WASL: variants seen among roughly 807,000 people sequenced by gnomAD.
WASL encodes WASP like actin nucleation promoting factor.
A neutral mutation model predicts 55.5 loss-of-function variants in WASL; 20 were observed. The observed-to-expected ratio is 0.36, with a 90% CI of 0.25 to 0.52. The LOEUF is 0.52. WASL is among the 20% of genes least tolerant of loss of function. The pLI, the probability that WASL is intolerant of heterozygous loss-of-function variation, is 0.92. For synonymous variants in WASL, 249 were observed against 217.6 expected (o/e 1.14, Z -1.27); for missense variants, 504 against 622.5 (o/e 0.81, Z 2.03).
intron 1 of WASL, among the ~76,000 whole-genome samples, chr7:123,744,113 A>G (rs778762369): frequency 6.6e-6 from 1 of 152,206 alleles, no homozygotes; most frequent in African/African-American, 2.4e-5. Context: ...GATCCCTCTA[A>G]GCATATCCTT....
chr7:123,724,909 A>G (rs1216889001), intron 1 of WASL, among the ~76,000 whole-genome samples: 1 of 152,178 alleles, frequency 6.6e-6, no homozygotes, highest in Non-Finnish European at 1.5e-5. Context: ...CAGCTTCCCC[A>G]ATAGAAGGAA....
intron 1 of WASL, among the ~76,000 whole-genome samples, chr7:123,720,700 G>C (rs1166502434): frequency 6.7e-6 from 1 of 149,822 alleles, no homozygotes; most frequent in Non-Finnish European, 1.5e-5. Flanking sequence ...GCCCAGGCTG[G>C]AGTACAGTGG....
intron 9 of WASL, among the ~76,000 whole-genome samples, chr7:123,690,869 A>G (rs1329048996): frequency 6.6e-6 from 1 of 152,186 alleles, no homozygotes; most frequent in Non-Finnish European, 1.5e-5. Context: ...GAACTAGCAG[A>G]GATTCCAAGG....
chr7:123,701,960 C>T (rs1242236081), intron 5 of WASL, among the ~76,000 whole-genome samples: 4 of 150,174 alleles, frequency 2.7e-5, no homozygotes, highest in Non-Finnish European at 5.9e-5. Flanking sequence ...AAAAAACCCT[C>T]CATTTATTTA....
At chr7:123,728,271 T>C (rs1365910280) in intron 1 of WASL, among the ~76,000 whole-genome samples, 2 of 152,208 alleles carry the variant, frequency 1.3e-5, no homozygotes, top group Admixed American at 6.5e-5. Flanking sequence ...ACTGTCATTA[T>C]AAAAGGTACA....
chr7:123,736,155 C>A (rs889635863), intron 1 of WASL, among the ~76,000 whole-genome samples: 1 of 152,068 alleles, frequency 6.6e-6, no homozygotes, highest in Non-Finnish European at 1.5e-5. Context: ...AACCTATCAA[C>A]TTATAATTTT....
chr7:123,697,055 A>T (rs551077392), intron 5 of WASL, among the ~76,000 whole-genome samples: 1 of 152,252 alleles, frequency 6.6e-6, no homozygotes, highest in South Asian at 2.1e-4. Context: ...TTTTGATTAT[A>T]ATAGCCTCAT....
At chr7:123,705,063 T>A (rs1382661700) in intron 4 of WASL, among the ~76,000 whole-genome samples, 1 of 152,192 alleles carries the variant, frequency 6.6e-6, no homozygotes, top group Non-Finnish European at 1.5e-5. Context: ...TTCTAAAAGT[T>A]TACTCTGGCT....
rs967395387 is a variant in WASL at position 123,713,180 on chromosome 7, C to T, written c.118-3957G>A. 3.3e-5 allele frequency among the ~76,000 whole-genome samples: 5 copies of T among 152,108 alleles called. No homozygotes were observed. The East Asian group carries it at 9.6e-4, about 29-fold the overall frequency. On this transcript the variant is annotated intron_variant, in intron 1 of 10. Coordinates refer to ENST00000223023, the MANE Select transcript of WASL (RefSeq NM_003941.4). ...TTTTTATTTTTGAGACAAGGTCTTG[C>T]TCTGTCACCCAGGCAGGAGTGCAAT...
intron 1 of WASL, among the ~76,000 whole-genome samples, chr7:123,711,635 T>G (rs1803759846): frequency 6.6e-6 from 1 of 152,208 alleles, no homozygotes; most frequent in Non-Finnish European, 1.5e-5. Flanking sequence ...AGTATATTAA[T>G]GCTAGACAAT....
At chr7:123,703,214 C>T (rs1202304266) in intron 5 of WASL, among the ~76,000 whole-genome samples, 1 of 152,134 alleles carries the variant, frequency 6.6e-6, no homozygotes, top group Non-Finnish European at 1.5e-5. Context: ...CTTGACATAA[C>T]ATAGTGGTTA....
At chr7:123,697,835 T>A (rs1294338185) in intron 5 of WASL, among the ~76,000 whole-genome samples, 1 of 152,348 alleles carries the variant, frequency 6.6e-6, no homozygotes, top group East Asian at 1.9e-4. Context: ...GTGCTAACAA[T>A]GCAGTTTATG....
At chr7:123,744,870 A>C (rs1306471008) in intron 1 of WASL, among the ~76,000 whole-genome samples, 1 of 152,156 alleles carries the variant, frequency 6.6e-6, no homozygotes, top group Non-Finnish European at 1.5e-5. Flanking sequence ...TCCCTTCATA[A>C]TACTACCAGC....
At chr7:123,732,451 T>C (rs1399733765) in intron 1 of WASL, among the ~76,000 whole-genome samples, 1 of 152,174 alleles carries the variant, frequency 6.6e-6, no homozygotes, top group Non-Finnish European at 1.5e-5. Context: ...ATTTTAGTAA[T>C]CTAGATTAAA....
chr7:123,684,770 T>C (rs150040812), intron 10 of WASL, among the ~76,000 whole-genome samples, 190 bp from the exon 11 acceptor site: 2 of 152,044 alleles, frequency 1.3e-5, no homozygotes, highest in East Asian at 3.9e-4. Context: ...AAACTAAAGA[T>C]TAAAACAGGG....
chr7:123,722,335 G>C (rs1213239131), intron 1 of WASL, among the ~76,000 whole-genome samples: 1 of 152,042 alleles, frequency 6.6e-6, no homozygotes, highest in African/African-American at 2.4e-5. Context: ...ACTACACAAA[G>C]GAATGTTCCT....
At chr7:123,690,570 A>T (rs1803392719) in intron 9 of WASL, among the ~76,000 whole-genome samples, 1 of 46,672 alleles carries the variant, frequency 2.1e-5, no homozygotes. Flanking sequence ...TAGGATAAAA[A>T]TGGCCCCCAT....
chr7:123,689,104 G>T lies in WASL; in HGVS notation c.1394C>A (p.Ser465Ter). 1 of 1,613,622 alleles carries T rather than the reference G, an allele frequency of 6.2e-7. No individual in the cohort carries two copies. Among genetic ancestry groups the T allele is most frequent in the Non-Finnish European group, 8.5e-7 (1 of 1,179,908 alleles). ...ESTPPTPAPT[S>*]GIVGALMEVM... Reference sequence around the variant, plus strand: ...TTCCATTAATGCACCCACAATTCCTGAAGTGGGTGCAGGTGTTGGTGGTGT... The same window carrying T: ...TTCCATTAATGCACCCACAATTCCTTAAGTGGGTGCAGGTGTTGGTGGTGT... Residue 465 changes from serine to a stop codon, truncating the protein, a stop_gained, in exon 10 of 11, where the codon TCA becomes TAA. Transcript: ENST00000223023. LOFTEE classifies it high-confidence loss of function.
At chr7:123,729,752 CTA>C (rs1335099368) in intron 1 of WASL, among the ~76,000 whole-genome samples, 1 of 152,152 alleles carries the variant, frequency 6.6e-6, no homozygotes, top group Non-Finnish European at 1.5e-5. Context: ...ATAGTTACGA[CTA>C]TTCTATGAGC....
Sources: gnomAD v4.1 joint callset for allele counts (sites outside exome capture counted in the v4.1 genomes callset) on GRCh38, gnomAD v4.1.1 for gene constraint, MANE v1.5 for transcripts, NCBI Gene and HGNC (gene_info 2026-07-23, HGNC 2026-07-21) for gene names.